Variants in LAMC2 observed in about 807,000 individuals in gnomAD.
LAMC2 encodes the protein laminin subunit gamma-2.
In LAMC2, 97 loss-of-function variants were observed where a neutral mutation model predicts 140.2. The observed-to-expected ratio is 0.69, with a 90% confidence interval of 0.59 to 0.82. LAMC2 has a LOEUF of 0.82. Among genes scored for constraint, LAMC2 ranks in the 40% least tolerant of loss-of-function variants. The pLI is 0.00. For missense variants in LAMC2, 1,402 were observed against 1,476.1 expected, an observed-to-expected ratio of 0.95 and a Z score of 0.82; for synonymous variants, 513 against 540.2, an observed-to-expected ratio of 0.95 and a Z score of 0.70.
chr1:183,225,729 C>T lies in LAMC2; in HGVS notation c.1066+9C>T. The stretch of plus-strand genomic sequence containing the variant: ...TACATATGGAGAATACAGTAAGTGG[C>T]TACGAGAAATTAATTTCTTTCTTCT... On this transcript the variant is annotated intron_variant, in intron 8 of 22. Coordinates refer to ENST00000264144, the MANE Select transcript of LAMC2 (RefSeq NM_005562.3). 6.4e-7 allele frequency: 1 copy of T among 1,555,660 alleles called. No individual in the cohort carries two copies. The highest frequency in any genetic ancestry group is 1.1e-5 in the South Asian group (1 of 90,002).
intron 1 of LAMC2, among the ~76,000 whole-genome samples, chr1:183,197,790 G>A (rs986343885): frequency 6.6e-6 from 1 of 152,206 alleles, no homozygotes; most frequent in African/African-American, 2.4e-5. Context: ...ATCTTCGGAT[G>A]TCAACAATTA....
intron 2 of LAMC2, among the ~76,000 whole-genome samples, chr1:183,210,281 C>T: frequency 6.6e-6 from 1 of 152,116 alleles, no homozygotes; most frequent in East Asian, 1.9e-4. Flanking sequence ...GACACAACCA[C>T]CATCATCATT....
intron 1 of LAMC2, among the ~76,000 whole-genome samples, chr1:183,202,186 T>C (rs1658727044): frequency 1.3e-5 from 2 of 150,410 alleles, no homozygotes; most frequent in African/African-American, 4.9e-5. Context: ...AGAATGAGAC[T>C]GTCTCAAAAA....
In LAMC2 at chr1:183,228,733, T is replaced by G; in HGVS notation, c.1714+114T>G. The G allele has an allele frequency of 1.4e-6, 2 of 1,440,524 alleles. No homozygotes were observed. Among genetic ancestry groups the G allele is most frequent in the Non-Finnish European group, 1.9e-6 (2 of 1,037,346 alleles). The allele number at this position is 1,440,524 out of a possible 1,614,324, so 89.2% of individuals were successfully genotyped here. ...ATATCATGATGTTACTTTGATTCTC[T>G]GACCAAACTGGCCTGTGAGCACCCT... On this transcript the variant is annotated intron_variant, in intron 11 of 22. Transcript: ENST00000264144. The surrounding 1 kb of genome is among the most constrained non-coding windows in gnomAD (Gnocchi z 4.3).
intron 7 of LAMC2, among the ~76,000 whole-genome samples, chr1:183,224,992 G>T (rs1659583585): frequency 6.6e-6 from 1 of 152,098 alleles, no homozygotes. Flanking sequence ...CAAACCAAGT[G>T]CACAGTCAAC....
chr1:183,199,790 C>T (rs374871408), intron 1 of LAMC2, among the ~76,000 whole-genome samples: 25 of 152,232 alleles, frequency 1.6e-4, no homozygotes, highest in African/African-American at 5.3e-4. Context: ...TGGCTGTTAC[C>T]TGGAAATAGA....
chr1:183,190,558 A>G (rs1658299477), intron 1 of LAMC2, among the ~76,000 whole-genome samples: 1 of 152,050 alleles, frequency 6.6e-6, no homozygotes. Flanking sequence ...AAACATGCTC[A>G]AATATAAGAT....
At chr1:183,222,657 C>T (rs978911212) in intron 6 of LAMC2, among the ~76,000 whole-genome samples, 2 of 151,556 alleles carry the variant, frequency 1.3e-5, no homozygotes, top group Non-Finnish European at 2.9e-5. Flanking sequence ...GATCCCAGTT[C>T]GTTTCCTTAG....
chr1:183,211,846 G>A (rs983043943), intron 2 of LAMC2, among the ~76,000 whole-genome samples: 2 of 152,098 alleles, frequency 1.3e-5, no homozygotes, highest in Non-Finnish European at 2.9e-5. Flanking sequence ...ATACCTTCCT[G>A]AGTCTTCAAA....
chr1:183,239,412 TGAA>T lies in LAMC2; in HGVS notation c.2921_2923del (p.Lys974del), dbSNP rs746672247. 96 of 1,614,016 alleles carry T rather than the reference TGAA, an allele frequency of 5.9e-5. No homozygotes were observed. The highest frequency in any genetic ancestry group is 1.0e-4 in the Admixed American group (6 of 59,998). On this transcript the variant is annotated inframe_deletion, in exon 20 of 23. Transcript: ENST00000264144. ...AGAAAAGCAGAAGCTGAAGAAGCCA[TGAA>T]GAGACTCTCCTACATCAGCCAGAAG...
intron 11 of LAMC2, among the ~76,000 whole-genome samples, chr1:183,229,690 T>G (rs1659744260): frequency 1.4e-5 from 2 of 148,084 alleles, no homozygotes; most frequent in Admixed American, 1.3e-4. Flanking sequence ...GTTGGAAGAC[T>G]CTTGGTTCCT....
Position 183,207,940 on chromosome 1 carries a change from A to G in LAMC2, c.139A>G (p.Thr47Ala), listed in dbSNP as rs763022314. 3 of 1,613,918 alleles carry G rather than the reference A, an allele frequency of 1.9e-6. No individual in the cohort carries two copies. Among genetic ancestry groups the G allele is most frequent in the Non-Finnish European group, 2.5e-6 (3 of 1,179,966 alleles). Residue 47 changes from threonine to alanine, a missense_variant, in exon 2 of 23, where the codon ACT becomes GCT. Coordinates refer to ENST00000264144, the MANE Select transcript of LAMC2 (RefSeq NM_005562.3). ...CIFDRELHRQTGNGFRCLNCN... is the reference protein window; with the variant it reads ...CIFDRELHRQAGNGFRCLNCN... The stretch of plus-strand genomic sequence containing the variant: ...CTTTGATCGGGAACTTCACAGACAA[A>G]CTGGTAATGGATTCCGCTGCCTCAA...
chr1:183,221,999 T>C lies in LAMC2; in HGVS notation c.641-90T>C, dbSNP rs536819608. The C allele has an allele frequency of 1.4e-5, 21 of 1,526,100 alleles. No homozygotes were observed. In the East Asian group the frequency reaches 4.0e-4, roughly 29 times the overall value. The allele number at this position is 1,526,100 out of a possible 1,614,324, so 94.5% of individuals were successfully genotyped here. On this transcript the variant is annotated intron_variant, in intron 5 of 22. Coordinates refer to ENST00000264144, the MANE Select transcript of LAMC2 (RefSeq NM_005562.3). ...GAAAACCCCACTTTCTACTCACCACTAGGACTTGTCGGCAAGCAAATCTTT... is the reference window on the plus strand; with the variant it reads ...GAAAACCCCACTTTCTACTCACCACCAGGACTTGTCGGCAAGCAAATCTTT...
chr1:183,215,680 C>A (rs548051907), intron 3 of LAMC2, 92 bp downstream of exon 3: 34 of 1,484,286 alleles, frequency 2.3e-5, no homozygotes, highest in Middle Eastern at 1.8e-4. Flanking sequence ...GAGCCCCTAC[C>A]CTGTGCCAAA....
chr1:183,227,812 C>G (rs1659677416), intron 10 of LAMC2, 115 bp downstream of exon 10: 1 of 921,822 alleles, frequency 1.1e-6, no homozygotes, highest in Non-Finnish European at 1.7e-6. Context: ...TTCGGGTTCA[C>G]CCAAATGTGC....
At position 183,243,288 on chromosome 1, in the gene LAMC2, A is replaced by G; in HGVS notation, c.3470A>G (p.His1157Arg). ...GCACGTCAGCAGAGGGGCCACCTCCATTTGCTGGAGACAAGCATAGATGGG... is the reference window on the plus strand; with the variant it reads ...GCACGTCAGCAGAGGGGCCACCTCCGTTTGCTGGAGACAAGCATAGATGGG... ...ERARQQRGHL[H>R]LLETSIDGIL... The change falls in exon 23 of 23, where the codon CAT becomes CGT. Residue 1157 changes from histidine (H) to arginine (R), a missense_variant. Physicochemically the swap from His to Arg is conservative, Grantham distance 29. Transcript: ENST00000264144. The G allele has an allele frequency of 1.2e-6, 2 of 1,614,194 alleles. No homozygotes were observed. The highest frequency in any genetic ancestry group is 1.1e-5 in the South Asian group (1 of 91,080).
chr1:183,197,117 G>T (rs1030828188), intron 1 of LAMC2, among the ~76,000 whole-genome samples: 4 of 152,194 alleles, frequency 2.6e-5, no homozygotes, highest in Non-Finnish European at 4.4e-5. Context: ...GGAAGCAAAA[G>T]AAGTTGCAGG....
At chr1:183,199,338 G>A (rs566746258) in intron 1 of LAMC2, among the ~76,000 whole-genome samples, 3 of 151,930 alleles carry the variant, frequency 2.0e-5, no homozygotes, top group African/African-American at 4.8e-5. Flanking sequence ...TCTTAATCTC[G>A]TGATCCACCC....
chr1:183,219,899 C>G (rs10911286), intron 4 of LAMC2, among the ~76,000 whole-genome samples: 19,131 of 152,180 alleles, frequency 0.13, 1,207 homozygotes, highest in East Asian at 0.19. Context: ...AGCCATGTAC[C>G]TGCTATATGT....
Sources: allele counts gnomAD v4.1 joint callset (sites outside exome capture counted in the v4.1 genomes callset), GRCh38; gene constraint gnomAD v4.1.1; non-coding constraint Gnocchi (gnomAD v3.1); transcripts MANE v1.5; gene names NCBI Gene and HGNC (gene_info 2026-07-23, HGNC 2026-07-21).